The following GPR176 variants were observed in gnomAD, a reference collection of about 807,000 sequenced individuals.
GPR176 encodes G protein-coupled receptor 176.
A neutral mutation model predicts 35.4 loss-of-function variants in GPR176; 26 were observed. The ratio of observed to expected loss-of-function variants is 0.74; its 90% CI spans 0.54 to 1.02. GPR176 has a LOEUF of 1.02. GPR176 is among the 50% of genes least tolerant of loss of function. The probability of loss-of-function intolerance (pLI) is 0.00; values close to 1 mark genes in which losing one functional copy is unlikely to be tolerated. For missense variants in GPR176, 597 were observed against 665.3 expected (o/e 0.90, Z 1.13); for synonymous variants, 278 against 271.3 (o/e 1.02, Z -0.24).
intron 1 of GPR176, chr15:39,807,533 T>C: frequency 6.6e-7 from 1 of 1,513,672 alleles, no homozygotes; most frequent in Non-Finnish European, 8.8e-7. Flanking sequence ...GATGGCTTAG[T>C]CTCATCAGTG....
chr15:39,875,920 CATATAT>C, intron 1 of GPR176, among the ~76,000 whole-genome samples: 1 of 148,550 alleles, frequency 6.7e-6, no homozygotes, highest in South Asian at 2.1e-4. Flanking sequence ...ATGTTTAACT[CATATAT>C]ATATATGAGT....
At chr15:39,837,453 C>T (rs115084073) in intron 1 of GPR176, among the ~76,000 whole-genome samples, 171 of 152,216 alleles carry the variant, frequency 1.1e-3, no homozygotes, top group African/African-American at 4.0e-3. Flanking sequence ...CTTGTACATA[C>T]GTGGTAAATC....
At chr15:39,887,073 T>A (rs968120161) in intron 1 of GPR176, among the ~76,000 whole-genome samples, 3 of 152,198 alleles carry the variant, frequency 2.0e-5, no homozygotes, top group Non-Finnish European at 4.4e-5. Context: ...CTGAGAAACA[T>A]ATTAAAAATG....
chr15:39,861,480 C>T (rs1195772624), intron 1 of GPR176, among the ~76,000 whole-genome samples: 2 of 151,308 alleles, frequency 1.3e-5, no homozygotes, highest in African/African-American at 4.9e-5. Flanking sequence ...ACCCAGGAGG[C>T]AGAGGTTGCA....
intron 1 of GPR176, among the ~76,000 whole-genome samples, chr15:39,810,004 G>C (rs1026633199): frequency 3.3e-5 from 5 of 152,074 alleles, no homozygotes; most frequent in African/African-American, 9.7e-5. Flanking sequence ...AATTAGCCCA[G>C]CGTGGTTGCG....
chr15:39,895,078 G>C (rs930893008), intron 1 of GPR176, among the ~76,000 whole-genome samples: 1 of 152,244 alleles, frequency 6.6e-6, no homozygotes, highest in Non-Finnish European at 1.5e-5. Flanking sequence ...AAACCAGTCA[G>C]GCGTGGCGGC....
chr15:39,829,373 T>C lies in GPR176; in HGVS notation c.173-22115A>G. On this transcript the variant is annotated intron_variant, in intron 1 of 2. Coordinates refer to ENST00000561100, the MANE Select transcript of GPR176 (RefSeq NM_007223.3). ...AATGTGTGCGCAGGACACAAGGAGC[T>C]CACAATGCTCTGAGGTCAAATCTAG... 3 of 1,281,446 alleles carry C rather than the reference T, an allele frequency of 2.3e-6. No homozygotes were observed. In the South Asian group the frequency reaches 5.4e-5, roughly 23 times the overall value. 79.4% of individuals were successfully genotyped at this position (1,281,446 alleles called of 1,614,324 possible).
chr15:39,848,446 C>A (rs1367747808), intron 1 of GPR176, among the ~76,000 whole-genome samples: 1 of 152,132 alleles, frequency 6.6e-6, no homozygotes, highest in Non-Finnish European at 1.5e-5. Context: ...AATTCCATAA[C>A]ACCATCAACC....
intron 2 of GPR176, among the ~76,000 whole-genome samples, chr15:39,804,862 AC>A (rs1266305952): frequency 1.3e-5 from 2 of 152,246 alleles, no homozygotes; most frequent in Admixed American, 6.5e-5. Flanking sequence ...GTATGATTCC[AC>A]CTACATGTAA....
intron 1 of GPR176, among the ~76,000 whole-genome samples, chr15:39,904,596 T>A (rs565683838): frequency 3.9e-5 from 6 of 152,052 alleles, no homozygotes; most frequent in Admixed American, 1.3e-4. Context: ...CATGCAGACA[T>A]TTGATTTGTG....
At chr15:39,820,836 T>C (rs901064703) in intron 1 of GPR176, among the ~76,000 whole-genome samples, 2 of 152,088 alleles carry the variant, frequency 1.3e-5, no homozygotes, top group Non-Finnish European at 2.9e-5. Flanking sequence ...AGGGCAGAAA[T>C]AGAGAGCAAA....
chr15:39,901,095 T>C (rs1479812093), intron 1 of GPR176, among the ~76,000 whole-genome samples: 2 of 152,024 alleles, frequency 1.3e-5, no homozygotes, highest in African/African-American at 4.8e-5. Context: ...ATAAATAATT[T>C]AGTTATTACT....
At chr15:39,900,380 A>G (rs978309792) in intron 1 of GPR176, among the ~76,000 whole-genome samples, 7 of 152,218 alleles carry the variant, frequency 4.6e-5, no homozygotes, top group Non-Finnish European at 7.3e-5. Flanking sequence ...CCACAACAAC[A>G]TAAGACTCAT....
At chr15:39,918,234 G>T (rs1044147665) in intron 1 of GPR176, among the ~76,000 whole-genome samples, 3 of 152,070 alleles carry the variant, frequency 2.0e-5, no homozygotes, top group Admixed American at 1.3e-4. Context: ...TACAAAAATG[G>T]AAAGGACATG....
chr15:39,828,501 C>A (rs1382478764), intron 1 of GPR176, among the ~76,000 whole-genome samples: 1 of 152,146 alleles, frequency 6.6e-6, no homozygotes, highest in African/African-American at 2.4e-5. Context: ...ACTGAGTTGG[C>A]CCTCTGCCAG....
At chr15:39,835,073 A>C (rs1901310223) in intron 1 of GPR176, among the ~76,000 whole-genome samples, 1 of 152,038 alleles carries the variant, frequency 6.6e-6, no homozygotes, top group Non-Finnish European at 1.5e-5. Flanking sequence ...GCTAGAGTGC[A>C]ATGGTGCAAT....
intron 1 of GPR176, among the ~76,000 whole-genome samples, chr15:39,868,159 G>A (rs2031904865): frequency 6.6e-6 from 1 of 152,180 alleles, no homozygotes; most frequent in Non-Finnish European, 1.5e-5. Context: ...ACTGGTGCAA[G>A]GAGAAAGCAG....
chr15:39,904,433 C>T (rs1360692987), intron 1 of GPR176, among the ~76,000 whole-genome samples: 2 of 152,028 alleles, frequency 1.3e-5, no homozygotes, highest in Non-Finnish European at 2.9e-5. Context: ...CAGGTGTAGT[C>T]AAGAGGTATA....
chr15:39,916,398 A>G (rs1162701610), intron 1 of GPR176, among the ~76,000 whole-genome samples: 2 of 152,230 alleles, frequency 1.3e-5, no homozygotes, highest in African/African-American at 4.8e-5. Context: ...AATACATATT[A>G]TTTGAATAAT....
Sources: gnomAD v4.1 joint callset for allele counts (sites outside exome capture counted in the v4.1 genomes callset) on GRCh38, gnomAD v4.1.1 for gene constraint, MANE v1.5 for transcripts, NCBI Gene and HGNC (gene_info 2026-07-23, HGNC 2026-07-21) for gene names.